LDAH: variants seen among roughly 807,000 people sequenced by gnomAD.
LDAH encodes the protein lipid droplet-associated hydrolase.
LDAH carries 26 observed loss-of-function variants against 29.6 expected under a neutral mutation model. That is an observed-to-expected ratio of 0.88 (90% confidence interval 0.64 to 1.22). LDAH has a LOEUF of 1.22. LDAH is among the 50% of genes most tolerant of loss of function. The pLI is 0.00. For synonymous variants in LDAH, 117 were observed against 133.0 expected (o/e 0.88, Z 0.83); for missense variants, 344 against 387.3 (o/e 0.89, Z 0.94).
intron 4 of LDAH, among the ~76,000 whole-genome samples, chr2:20,756,807 CA>C (rs1314294637): frequency 2.0e-5 from 3 of 152,028 alleles, no homozygotes; most frequent in African/African-American, 7.2e-5. Flanking sequence ...GTAAGTATGC[CA>C]GTTTCTGGAT....
At chr2:20,697,914 T>C (rs1663610923) in intron 6 of LDAH, among the ~76,000 whole-genome samples, 1 of 152,210 alleles carries the variant, frequency 6.6e-6, no homozygotes, top group Non-Finnish European at 1.5e-5. Context: ...TATTTTTAAA[T>C]CACACTAACT....
In LDAH at chr2:20,774,822, G is replaced by C. The variant is rs746454837; in HGVS notation, c.456C>G (p.Val152=). Residue 152 remains valine (V), a synonymous_variant, in exon 4 of 7, where the codon GTC becomes GTG. Transcript: ENST00000237822. ...SYFTLQMLKR[V]PELPVIRAFL... ...GAGACCTACTTACCGGGAGCTCAGG[G>C]ACTCGCTTCAGCATCTGAAGTGTGA... is the stretch of plus-strand genomic sequence containing the variant. 10 of 1,612,876 alleles carry C rather than the reference G, an allele frequency of 6.2e-6. No individual in the cohort carries two copies. Among genetic ancestry groups the C allele is most frequent in the Non-Finnish European group, 7.6e-6 (9 of 1,179,920 alleles).
At chr2:20,739,857 GAAA>G (rs1187074673) in intron 5 of LDAH, 111 bp downstream of exon 5, 5 of 678,222 alleles carry the variant, frequency 7.4e-6, no homozygotes, top group Non-Finnish European at 1.2e-5. Context: ...TTTGGAAGAG[GAAA>G]AAAAAACTAG....
intron 5 of LDAH, among the ~76,000 whole-genome samples, chr2:20,721,938 T>C (rs1028301437): frequency 6.6e-6 from 1 of 152,166 alleles, no homozygotes; most frequent in Non-Finnish European, 1.5e-5. Flanking sequence ...TATATACACA[T>C]AATGGAATAT....
chr2:20,774,288 G>A (rs1669638409), intron 4 of LDAH, among the ~76,000 whole-genome samples: 1 of 152,154 alleles, frequency 6.6e-6, no homozygotes, highest in Non-Finnish European at 1.5e-5. Flanking sequence ...ATATTTGCAA[G>A]CATTTGTGAA....
At chr2:20,760,935 G>T (rs572587445) in intron 4 of LDAH, among the ~76,000 whole-genome samples, 1 of 152,278 alleles carries the variant, frequency 6.6e-6, no homozygotes, top group African/African-American at 2.4e-5. Flanking sequence ...CCACCCTAAA[G>T]TCTGTCCGCC....
intron 5 of LDAH, among the ~76,000 whole-genome samples, 159 bp from the exon 6 acceptor site, chr2:20,701,811 T>C (rs1000635407): frequency 6.6e-6 from 1 of 152,214 alleles, no homozygotes; most frequent in South Asian, 2.1e-4. Flanking sequence ...TCAGGCAACA[T>C]GCACACAGTC....
chr2:20,756,832 T>C (rs780843860), intron 4 of LDAH, among the ~76,000 whole-genome samples: 3 of 152,138 alleles, frequency 2.0e-5, no homozygotes, highest in Non-Finnish European at 2.9e-5. Flanking sequence ...AAAGGATAAA[T>C]AGTCCAAGGA....
At chr2:20,733,857 G>A (rs1053665531) in intron 5 of LDAH, among the ~76,000 whole-genome samples, 17 of 152,104 alleles carry the variant, frequency 1.1e-4, no homozygotes, top group Non-Finnish European at 5.9e-5. Flanking sequence ...AGTATTATTT[G>A]AATTTCTTTG....
At chr2:20,818,097 A>G (rs932824978) in intron 1 of LDAH, among the ~76,000 whole-genome samples, 1 of 152,116 alleles carries the variant, frequency 6.6e-6, no homozygotes, top group African/African-American at 2.4e-5. Context: ...GAGTCCTTAT[A>G]AAGTTGGTGA....
chr2:20,818,945 A>G (rs1241457292), intron 1 of LDAH, among the ~76,000 whole-genome samples: 1 of 152,120 alleles, frequency 6.6e-6, no homozygotes, highest in African/African-American at 2.4e-5. Context: ...AATGACTTTT[A>G]CATTTTCACC....
At chr2:20,799,348 TA>T (rs1014886517) in intron 2 of LDAH, among the ~76,000 whole-genome samples, 7 of 152,216 alleles carry the variant, frequency 4.6e-5, no homozygotes, top group African/African-American at 1.4e-4. Flanking sequence ...GGTTATTATT[TA>T]TTTTTTTTAA....
At chr2:20,744,892 T>C (rs946409212) in intron 4 of LDAH, among the ~76,000 whole-genome samples, 14 of 151,822 alleles carry the variant, frequency 9.2e-5, no homozygotes, top group African/African-American at 3.1e-4. Flanking sequence ...CCTGTGGGGG[T>C]TTCTGTTTGT....
At chr2:20,715,660 G>A (rs1254353362) in intron 5 of LDAH, among the ~76,000 whole-genome samples, 1 of 152,192 alleles carries the variant, frequency 6.6e-6, no homozygotes, top group East Asian at 1.9e-4. Flanking sequence ...ATTTCCTTAA[G>A]CTGACAAGCA....
intron 1 of LDAH, among the ~76,000 whole-genome samples, chr2:20,818,452 C>T (rs769020104): frequency 9.9e-5 from 15 of 152,076 alleles, no homozygotes; most frequent in Non-Finnish European, 2.2e-4. Context: ...TCTTTTTACG[C>T]TTCTGCTGTA....
intron 4 of LDAH, among the ~76,000 whole-genome samples, chr2:20,770,802 T>C (rs773432681): frequency 1.5e-4 from 23 of 152,202 alleles, no homozygotes; most frequent in Non-Finnish European, 2.8e-4. Context: ...ATTCTTTTTA[T>C]ACTCACAGCT....
At chr2:20,706,704 TAAA>T (rs72339311) in intron 5 of LDAH, among the ~76,000 whole-genome samples, 3 of 118,284 alleles carry the variant, frequency 2.5e-5, no homozygotes, top group Admixed American at 8.1e-5. Context: ...CTGAAACAAC[TAAA>T]AAAAAAAAAA....
At chr2:20,689,490 A>T (rs916411843) in intron 6 of LDAH, among the ~76,000 whole-genome samples, 1 of 152,100 alleles carries the variant, frequency 6.6e-6, no homozygotes, top group African/African-American at 2.4e-5. Context: ...CAACCTCACA[A>T]CCAGTGGGAG....
intron 3 of LDAH, among the ~76,000 whole-genome samples, chr2:20,777,166 A>C (rs983851875): frequency 3.3e-5 from 5 of 152,232 alleles, no homozygotes; most frequent in Non-Finnish European, 5.9e-5. Context: ...AGAGCAAAGA[A>C]AATGGGCTAA....
Sources: allele counts gnomAD v4.1 joint callset (sites outside exome capture counted in the v4.1 genomes callset), GRCh38; gene constraint gnomAD v4.1.1; transcripts MANE v1.5; gene names NCBI Gene and HGNC (gene_info 2026-07-23, HGNC 2026-07-21).